Variants in ICA1 observed in about 807,000 individuals in gnomAD.
ICA1 encodes the protein 69 kDa islet cell autoantigen.
Under a neutral mutation model 71.0 loss-of-function variants are expected in ICA1, and 40 were observed. The ratio of observed to expected loss-of-function variants is 0.56; its 90% CI spans 0.44 to 0.73. ICA1 has a LOEUF of 0.73. ICA1 is among the 30% of genes least tolerant of loss of function. The pLI is 0.00. For missense variants in ICA1, 578 were observed against 576.5 expected (o/e 1.00, Z -0.03); for synonymous variants, 207 against 209.5 (o/e 0.99, Z 0.10).
chr7:8,141,051 C>T (rs1446857457), intron 10 of ICA1, among the ~76,000 whole-genome samples: 2 of 152,234 alleles, frequency 1.3e-5, no homozygotes, highest in African/African-American at 4.8e-5. Context: ...TCCCCCGCAT[C>T]TCCGAGGAGC....
chr7:8,155,239 A>G (rs1301655866), intron 8 of ICA1, among the ~76,000 whole-genome samples: 4 of 152,216 alleles, frequency 2.6e-5, no homozygotes, highest in Non-Finnish European at 5.9e-5. Context: ...TATTACTTAA[A>G]CCATAATTTA....
chr7:8,240,950 G>C (rs975434318), intron 1 of ICA1, among the ~76,000 whole-genome samples: 2 of 152,220 alleles, frequency 1.3e-5, no homozygotes, highest in African/African-American at 4.8e-5. Context: ...TGGTGTACCT[G>C]AAAGTGACGG....
At chr7:8,158,967 G>A (rs1802709987) in intron 6 of ICA1, among the ~76,000 whole-genome samples, 1 of 152,186 alleles carries the variant, frequency 6.6e-6, no homozygotes, top group Non-Finnish European at 1.5e-5. Flanking sequence ...AAGCAGGGTG[G>A]TGAGGAAATC....
At position 8,135,329 on chromosome 7, in the gene ICA1, A is replaced by C. The variant is rs144396151; in HGVS notation, c.1060+3511T>G. ...AGTGTGAGCCACCGCGCCCGGCCAG[A>C]ATCTTTATAGAAATCTTTATAAGGG... On this transcript the variant is annotated intron_variant, in intron 12 of 13. Coordinates refer to ENST00000402384, the MANE Select transcript of ICA1 (RefSeq NM_001136020.3). Among the ~76,000 whole-genome samples, 1,105 of 152,190 alleles carry C rather than the reference A, an allele frequency of 7.3e-3. 26 individuals are homozygous for C. The highest frequency in any genetic ancestry group is 0.026 in the African/African-American group (1,064 of 41,518).
chr7:8,146,746 T>C (rs1180167861), intron 8 of ICA1, among the ~76,000 whole-genome samples: 5 of 147,248 alleles, frequency 3.4e-5, no homozygotes, highest in Non-Finnish European at 7.5e-5. Context: ...CGTGTGCGTG[T>C]GTGTGTGTGT....
chr7:8,196,217 A>G (rs915590116), intron 6 of ICA1, among the ~76,000 whole-genome samples: 5 of 152,248 alleles, frequency 3.3e-5, no homozygotes, highest in African/African-American at 1.2e-4. Flanking sequence ...ATATGGAGAA[A>G]TTTAAGTACA....
chr7:8,121,115 A>G (rs1786750982), intron 13 of ICA1, among the ~76,000 whole-genome samples: 1 of 152,232 alleles, frequency 6.6e-6, no homozygotes, highest in Admixed American at 6.5e-5. Flanking sequence ...GAGACAGACT[A>G]GAGAGCAGGC....
intron 6 of ICA1, among the ~76,000 whole-genome samples, chr7:8,182,590 C>A (rs545142251): frequency 2.0e-5 from 3 of 152,176 alleles, no homozygotes; most frequent in African/African-American, 7.2e-5. Context: ...TAGTAGTTAT[C>A]TTATGGGTGA....
intron 12 of ICA1, among the ~76,000 whole-genome samples, chr7:8,128,618 C>G (rs1790238427): frequency 7.7e-6 from 1 of 130,660 alleles, no homozygotes; most frequent in Non-Finnish European, 1.6e-5. Context: ...TGCCCTGGCC[C>G]AGGGCACGAC....
chr7:8,131,654 T>C (rs1791487511), intron 12 of ICA1, among the ~76,000 whole-genome samples: 1 of 152,212 alleles, frequency 6.6e-6, no homozygotes, highest in Non-Finnish European at 1.5e-5. Context: ...CTCCCAATTA[T>C]TGCACTGATA....
intron 1 of ICA1, among the ~76,000 whole-genome samples, chr7:8,246,768 A>G (rs541254020): frequency 6.6e-6 from 1 of 152,270 alleles, no homozygotes; most frequent in East Asian, 1.9e-4. Context: ...ATTTTTTGAG[A>G]CGGAGTCTCG....
At chr7:8,221,712 A>G (rs1797140885) in intron 4 of ICA1, among the ~76,000 whole-genome samples, 1 of 152,192 alleles carries the variant, frequency 6.6e-6, no homozygotes, top group Admixed American at 6.5e-5. Flanking sequence ...GCTGAAATAA[A>G]GGAGTTGGGT....
chr7:8,217,703 G>A (rs1265808535), intron 6 of ICA1, among the ~76,000 whole-genome samples: 2 of 152,110 alleles, frequency 1.3e-5, no homozygotes, highest in Non-Finnish European at 2.9e-5. Context: ...AAATCAAACT[G>A]CTAAATTGAC....
chr7:8,242,951 G>C lies in ICA1; in HGVS notation c.-79-6946C>G, dbSNP rs538876553. 2.6e-5 allele frequency among the ~76,000 whole-genome samples: 4 copies of C among 152,274 alleles called. No homozygotes were observed. In the South Asian group the frequency reaches 8.3e-4, roughly 32 times the overall value. The stretch of plus-strand genomic sequence containing the variant: ...AGCCTACCAACCAAAAAAAGTCCAG[G>C]ACCAGACGGATTCACAGCCGAATTC... On this transcript the variant is annotated intron_variant, in intron 1 of 13. Transcript: ENST00000402384.
At chr7:8,142,268 T>C (rs1001442970) in intron 9 of ICA1, among the ~76,000 whole-genome samples, 1 of 152,222 alleles carries the variant, frequency 6.6e-6, no homozygotes, top group African/African-American at 2.4e-5. Context: ...CATCTCCTAC[T>C]CAACTCTCAC....
At chr7:8,171,794 A>G (rs1027915326) in intron 6 of ICA1, among the ~76,000 whole-genome samples, 3 of 151,706 alleles carry the variant, frequency 2.0e-5, no homozygotes, top group Admixed American at 1.3e-4. Flanking sequence ...ACACATTTTG[A>G]TATGTTGTGT....
rs570387038 is a variant in ICA1, at chr7:8,178,315, A to G, written c.580-19663T>C. Reference sequence around the variant, plus strand: ...TTTCAGGCTCTGAAAGCAGTTCGTTATATACCTCTATTACCTCACAAGACA... The same window carrying G: ...TTTCAGGCTCTGAAAGCAGTTCGTTGTATACCTCTATTACCTCACAAGACA... On this transcript the variant is annotated intron_variant, in intron 6 of 13. Transcript: ENST00000402384. Among the ~76,000 whole-genome samples the G allele has an allele frequency of 2.6e-5, 4 of 152,262 alleles. No individual in the cohort carries two copies. The East Asian group carries it at 7.7e-4, about 29-fold the overall frequency.
At chr7:8,145,406 C>G (rs1796521667) in intron 8 of ICA1, among the ~76,000 whole-genome samples, 1 of 152,020 alleles carries the variant, frequency 6.6e-6, no homozygotes, top group South Asian at 2.1e-4. Flanking sequence ...CTTCTTTAAC[C>G]TAAAATGCTC....
chr7:8,157,947 C>G (rs1169819026), intron 7 of ICA1, among the ~76,000 whole-genome samples: 1 of 152,088 alleles, frequency 6.6e-6, no homozygotes, highest in Middle Eastern at 3.2e-3. Context: ...GCCTCGGCCT[C>G]CCAAAGTGCT....
Sources: gnomAD v4.1 joint callset for allele counts (sites outside exome capture counted in the v4.1 genomes callset) on GRCh38, gnomAD v4.1.1 for gene constraint, MANE v1.5 for transcripts, NCBI Gene and HGNC (gene_info 2026-07-23, HGNC 2026-07-21) for gene names.